Variants in ZBTB34 observed in about 807,000 individuals in gnomAD.
The protein encoded by ZBTB34 is zinc finger and BTB domain-containing protein 34.
A neutral mutation model predicts 33.4 loss-of-function variants in ZBTB34; 1 was observed. That is an observed-to-expected ratio of 0.03 (90% CI 0.01 to 0.14). The LOEUF is 0.14. Among genes scored for constraint, ZBTB34 ranks in the 10% least tolerant of loss-of-function variants. The probability of loss-of-function intolerance (pLI) is 1.00; values close to 1 mark genes in which losing one functional copy is unlikely to be tolerated. For missense variants in ZBTB34, 406 were observed against 657.2 expected (o/e 0.62, Z 4.18); for synonymous variants, 283 against 253.5 (o/e 1.12, Z -1.11).
chr9:126,878,266 T>G (rs990972802), intron 1 of ZBTB34, among the ~76,000 whole-genome samples: 1 of 151,954 alleles, frequency 6.6e-6, no homozygotes, highest in Non-Finnish European at 1.5e-5. Flanking sequence ...GGTCAGGAGT[T>G]CGAGACCAGC....
chr9:126,877,624 C>G (rs777230860), intron 1 of ZBTB34, among the ~76,000 whole-genome samples: 1 of 152,196 alleles, frequency 6.6e-6, no homozygotes, highest in South Asian at 2.1e-4. Flanking sequence ...GTAGGTGTGC[C>G]GCAGCTGTGA....
At position 126,879,963 on chromosome 9, in the gene ZBTB34, G is replaced by A. The variant is rs542112678; in HGVS notation, c.564G>A (p.Thr188=). 1.5e-5 allele frequency: 25 copies of A among 1,613,270 alleles called. No homozygotes were observed. The African/African-American group carries it at 2.7e-4, about 17-fold the overall frequency. Residue 188 remains threonine (T), a synonymous_variant, in exon 2 of 2, where the codon ACG becomes ACA. Transcript: ENST00000319119. The surrounding 1 kb of genome is among the most constrained non-coding windows in gnomAD (Gnocchi z 6.4). ...CAAGCAGTGACCTCCGGATGGAGAC[G>A]ACCCCCAGCAAAGCTTTGCGCAGCC...
intron 1 of ZBTB34, among the ~76,000 whole-genome samples, chr9:126,867,447 C>CTTTTTTTTTTTTTTTTTATTTTTT (rs201325256): frequency 8.4e-6 from 1 of 119,510 alleles, no homozygotes; most frequent in Non-Finnish European, 1.8e-5. Flanking sequence ...TGTCATTTTT[C>CTTTTTTTTTTTTTTTTTATTTTTT]TTTTTTTTTT....
exon 2 of ZBTB34, chr9:126,882,173 A>T (rs1588393233): frequency 6.0e-6 from 1 of 165,592 alleles, no homozygotes; most frequent in African/African-American, 2.5e-5. Flanking sequence ...TTTCCTGCTT[A>T]AAGAACCAAC....
At chr9:126,876,162 C>T in intron 1 of ZBTB34, among the ~76,000 whole-genome samples, 1 of 828 alleles carries the variant, frequency 1.2e-3, no homozygotes, top group Non-Finnish European at 2.8e-3. Context: ...TCCCTTCCGT[C>T]CTTCCCCCCT....
chr9:126,879,310 G>A lies in ZBTB34; in HGVS notation c.-10-80G>A, dbSNP rs776053979. ...GAGGTATGATAGCCACAATGGTATTGTTGTTGTAAGCTTGTGTTTATGCCA... is the reference window on the plus strand; with the variant it reads ...GAGGTATGATAGCCACAATGGTATTATTGTTGTAAGCTTGTGTTTATGCCA... On this transcript the variant is annotated intron_variant, in intron 1 of 1. Transcript: ENST00000319119. This position sits in a 1 kb window ranked among gnomAD's most constrained non-coding sequence, Gnocchi z 6.4. 184 of 1,147,814 alleles carry A rather than the reference G, an allele frequency of 1.6e-4. 1 individual carries two copies. The highest frequency in any genetic ancestry group is 1.7e-4 in the Non-Finnish European group (138 of 800,830). 71.1% of individuals were successfully genotyped at this position (1,147,814 alleles called of 1,614,324 possible).
intron 1 of ZBTB34, among the ~76,000 whole-genome samples, chr9:126,862,847 A>G (rs1210716081): frequency 6.6e-6 from 1 of 151,386 alleles, no homozygotes; most frequent in Non-Finnish European, 1.5e-5. Flanking sequence ...CTGGACTTCT[A>G]TAATAGGTAC....
At chr9:126,869,860 G>A (rs1254428895) in intron 1 of ZBTB34, among the ~76,000 whole-genome samples, 1 of 152,170 alleles carries the variant, frequency 6.6e-6, no homozygotes, top group Admixed American at 6.5e-5. Context: ...AGAAGTTGAG[G>A]AGGTGACAAT....
exon 2 of ZBTB34, chr9:126,883,973 G>C (rs2033482762): frequency 6.0e-6 from 1 of 167,114 alleles, no homozygotes; most frequent in African/African-American, 2.4e-5. Context: ...CGCAGACGAA[G>C]TACGCTGTGT....
At chr9:126,870,624 C>A (rs1017007286) in intron 1 of ZBTB34, among the ~76,000 whole-genome samples, 1 of 152,208 alleles carries the variant, frequency 6.6e-6, no homozygotes, top group African/African-American at 2.4e-5. Context: ...ATATCAACCT[C>A]ATTTATAATT....
At chr9:126,863,452 TC>T (rs1204403723) in intron 1 of ZBTB34, among the ~76,000 whole-genome samples, 2 of 152,220 alleles carry the variant, frequency 1.3e-5, no homozygotes, top group Non-Finnish European at 2.9e-5. Context: ...ACTTTTGCCT[TC>T]CATTTGAAGC....
chr9:126,877,920 C>G (rs1392151260), intron 1 of ZBTB34, among the ~76,000 whole-genome samples: 1 of 152,126 alleles, frequency 6.6e-6, no homozygotes, highest in Non-Finnish European at 1.5e-5. Flanking sequence ...AGGAGGATCA[C>G]TTGAACCCAG....
rs141893806 is a variant in ZBTB34, at chr9:126,864,970, G to T, written c.-11+4231G>T. Among the ~76,000 whole-genome samples the T allele has an allele frequency of 1.6e-4, 24 of 152,280 alleles. No individual in the cohort carries two copies. The East Asian group carries it at 4.2e-3, about 27-fold the overall frequency. ...AGCTGTGTCTCAGGTATCAGCAAAT[G>T]ACTGAAGCCAGCAGGTGCAAATCTG... On this transcript the variant is annotated intron_variant, in intron 1 of 1. Coordinates refer to ENST00000319119, the Ensembl canonical transcript of ZBTB34.
intron 1 of ZBTB34, among the ~76,000 whole-genome samples, chr9:126,869,140 C>T (rs1341868270): frequency 3.3e-5 from 5 of 152,054 alleles, no homozygotes; most frequent in African/African-American, 4.8e-5. Flanking sequence ...CTAAAATGCC[C>T]TCATTTGCCC....
At chr9:126,876,139 CTTTT>C (rs35897421) in intron 1 of ZBTB34, among the ~76,000 whole-genome samples, 2 of 65,982 alleles carry the variant, frequency 3.0e-5, no homozygotes, top group Non-Finnish European at 2.8e-5. Flanking sequence ...ATCATGTTTC[CTTTT>C]TTTTTTTTTC....
At chr9:126,882,399 T>C (rs2033454623) in exon 2 of ZBTB34, 1 of 167,136 alleles carries the variant, frequency 6.0e-6, no homozygotes, top group Admixed American at 6.5e-5. Flanking sequence ...AACACGTTAC[T>C]GTATGAAAAC....
chr9:126,878,827 G>A lies in ZBTB34; in HGVS notation c.-10-563G>A, dbSNP rs1006949983. 5.3e-5 allele frequency among the ~76,000 whole-genome samples: 8 copies of A among 151,458 alleles called. 1 individual carries two copies. The highest frequency in any genetic ancestry group is 3.3e-4 in the Admixed American group (5 of 15,198). Reference sequence around the variant, plus strand: ...CAACCTCTGCCTTCTGAGGTCAAGCGATTCCCCTGCTGCAGCCTCCCAAGT... The same window carrying A: ...CAACCTCTGCCTTCTGAGGTCAAGCAATTCCCCTGCTGCAGCCTCCCAAGT... On this transcript the variant is annotated intron_variant, in intron 1 of 1. Transcript: ENST00000319119.
intron 1 of ZBTB34, among the ~76,000 whole-genome samples, chr9:126,862,197 C>G (rs1258261169): frequency 6.6e-6 from 1 of 152,070 alleles, no homozygotes; most frequent in African/African-American, 2.4e-5. Context: ...AGGAATCAGG[C>G]CCAGTGATCC....
chr9:126,876,152 T>C (rs367544644), intron 1 of ZBTB34, among the ~76,000 whole-genome samples: 10 of 58,462 alleles, frequency 1.7e-4, no homozygotes, highest in Admixed American at 7.2e-4. Context: ...TTTTTTTTTT[T>C]CCCTTCCGTC....
Sources: allele counts gnomAD v4.1 joint callset (sites outside exome capture counted in the v4.1 genomes callset), GRCh38; gene constraint gnomAD v4.1.1; non-coding constraint Gnocchi (gnomAD v3.1); transcripts MANE v1.5; gene names NCBI Gene and HGNC (gene_info 2026-07-23, HGNC 2026-07-21).